CLTB: variants seen among roughly 807,000 people sequenced by gnomAD.
CLTB encodes the protein clathrin, light chain (Lcb).
Under a neutral mutation model 30.5 loss-of-function variants are expected in CLTB, and 10 were observed. The ratio of observed to expected loss-of-function variants is 0.33; its 90% confidence interval spans 0.20 to 0.56. The LOEUF (loss-of-function observed/expected upper bound fraction) is 0.56. Among genes scored for constraint, CLTB ranks in the 20% least tolerant of loss-of-function variants. The pLI, the probability that CLTB is intolerant of heterozygous loss-of-function variation, is 0.91. For synonymous variants in CLTB, 102 were observed against 120.3 expected, an observed-to-expected ratio of 0.85 and a Z score of 1.00; for missense variants, 261 against 308.3, an observed-to-expected ratio of 0.85 and a Z score of 1.15.
chr5:176,397,882 C>T (rs571919857), intron 3 of CLTB, 48 bp downstream of exon 3: 2 of 1,546,230 alleles, frequency 1.3e-6, no homozygotes, highest in Admixed American at 1.7e-5. Context: ...CCACACTCCA[C>T]CCCACACACA....
chr5:176,397,339 C>T (rs1344624488), intron 4 of CLTB, among the ~76,000 whole-genome samples: 4 of 148,792 alleles, frequency 2.7e-5, no homozygotes, highest in Admixed American at 6.7e-5. Context: ...CTCTCATGTC[C>T]CCACAGCCCC....
rs1756309796 is a variant in CLTB, at chr5:176,392,690, G to T, written c.*84C>A. ...GAATAGGCTGTGGGTAGCAGCTGCT[G>T]CGAGTCTCCACCCCGACCAAAGCAG... On this transcript the variant is annotated 3_prime_UTR_variant, in exon 6 of 6. Coordinates refer to ENST00000310418, the MANE Select transcript of CLTB (RefSeq NM_007097.5). This position sits in a 1 kb window ranked among gnomAD's most constrained non-coding sequence, Gnocchi z 5.2. 6.7e-7 allele frequency: 1 copy of T among 1,488,630 alleles called. No homozygotes were observed. The allele number at this position is 1,488,630 out of a possible 1,614,324, so 92.2% of individuals were successfully genotyped here. A position where few individuals can be genotyped will look rare whatever the true frequency, so the allele number is the denominator to read the frequency against.
intron 5 of CLTB, among the ~76,000 whole-genome samples, chr5:176,396,081 G>A (rs1337610724): frequency 6.6e-6 from 1 of 152,138 alleles, no homozygotes; most frequent in African/African-American, 2.4e-5. Context: ...GTCGCAGTGA[G>A]CCGAGATCGC....
intron 5 of CLTB, among the ~76,000 whole-genome samples, chr5:176,394,819 A>G (rs1424141316): frequency 6.6e-6 from 1 of 152,060 alleles, no homozygotes; most frequent in African/African-American, 2.4e-5. Flanking sequence ...CGTCTTAAAA[A>G]AAAAAAAAAG....
intron 4 of CLTB, among the ~76,000 whole-genome samples, chr5:176,397,224 C>T (rs1180139991): frequency 1.3e-5 from 2 of 152,186 alleles, no homozygotes; most frequent in East Asian, 3.9e-4. Flanking sequence ...CAGGCCTTTC[C>T]CTTCCTGGAA....
rs186165607 is a variant in CLTB, at chr5:176,400,123, G to A, written c.235-2076C>T. ...CAAGAATCACTTGAATCCGGGGCGG[G>A]GCAGGGGAGGCTGCAGTGAGCCAAG... On this transcript the variant is annotated intron_variant, in intron 2 of 5. Coordinates refer to ENST00000310418, the MANE Select transcript of CLTB (RefSeq NM_007097.5). 1.9e-3 allele frequency among the ~76,000 whole-genome samples: 283 copies of A among 151,554 alleles called. 1 individual carries two copies. The highest frequency in any genetic ancestry group is 6.7e-3 in the African/African-American group (276 of 41,316).
chr5:176,400,546 G>T (rs1487167114), intron 2 of CLTB, among the ~76,000 whole-genome samples: 1 of 152,152 alleles, frequency 6.6e-6, no homozygotes, highest in Non-Finnish European at 1.5e-5. Flanking sequence ...CAAGGGTGTG[G>T]CACCCTCTGG....
chr5:176,402,398 C>A (rs921504250), intron 2 of CLTB, among the ~76,000 whole-genome samples: 1 of 152,264 alleles, frequency 6.6e-6, no homozygotes, highest in African/African-American at 2.4e-5. Context: ...CCTCTGATTT[C>A]TGTCCTCTAT....
chr5:176,397,687 C>G lies in CLTB; in HGVS notation c.384G>C (p.Trp128Cys). ...DAASKVTEQE[W>C]REKAKKDLEE... ...CCAGGTCCTTCTTGGCCTTCTCCCG[C>G]CATTCCTGTTCCGTGACCTTAGATG... Residue 128 changes from tryptophan (W) to cysteine (C), a missense_variant, in exon 4 of 6, where the codon TGG becomes TGC. Trp to Cys is a radical substitution (Grantham distance 215). This residue lies in a region of CLTB where 123 missense variants were observed against 157.0 expected (regional missense o/e 0.78). Coordinates refer to ENST00000310418, the MANE Select transcript of CLTB (RefSeq NM_007097.5). The G allele has an allele frequency of 6.2e-7, 1 of 1,613,934 alleles. No individual in the cohort carries two copies. The highest frequency in any genetic ancestry group is 8.5e-7 in the Non-Finnish European group (1 of 1,179,978).
chr5:176,405,259 C>T (rs531541904), intron 2 of CLTB, among the ~76,000 whole-genome samples: 1 of 152,164 alleles, frequency 6.6e-6, no homozygotes, highest in East Asian at 1.9e-4. Context: ...GGAGGCTGAG[C>T]AGGAGGACTG....
chr5:176,401,530 C>T (rs555004812), intron 2 of CLTB, among the ~76,000 whole-genome samples: 119 of 152,306 alleles, frequency 7.8e-4, no homozygotes, highest in African/African-American at 2.7e-3. Context: ...AAAGGCACCA[C>T]AGTGCCCTTG....
chr5:176,411,196 GACA>G (rs1561801274), intron 1 of CLTB, among the ~76,000 whole-genome samples: 1 of 152,206 alleles, frequency 6.6e-6, no homozygotes, highest in Non-Finnish European at 1.5e-5. Context: ...ATGAAAGAAA[GACA>G]ACGACTGCAT....
intron 1 of CLTB, among the ~76,000 whole-genome samples, chr5:176,410,781 G>A (rs975382672): frequency 6.6e-5 from 10 of 151,396 alleles, no homozygotes; most frequent in African/African-American, 1.7e-4. Context: ...TCCCTGAGGC[G>A]CCTTGAGCAA....
intron 2 of CLTB, chr5:176,401,778 G>C (rs561180425): frequency 1.2e-4 from 55 of 455,940 alleles, no homozygotes; most frequent in Non-Finnish European, 2.0e-4. Context: ...ACAATTTCCC[G>C]AGGGTGCTGA....
intron 2 of CLTB, among the ~76,000 whole-genome samples, chr5:176,404,603 G>C (rs888843171): frequency 6.6e-6 from 1 of 152,176 alleles, no homozygotes; most frequent in Non-Finnish European, 1.5e-5. Context: ...CAGCCCCCAC[G>C]GTGTCCTGCC....
At chr5:176,413,008 C>A (rs1040327526) in intron 1 of CLTB, among the ~76,000 whole-genome samples, 2 of 152,150 alleles carry the variant, frequency 1.3e-5, no homozygotes, top group African/African-American at 2.4e-5. Flanking sequence ...CACACAGCTG[C>A]CTGGGGTCTA....
chr5:176,409,571 G>A (rs919974421), intron 2 of CLTB, among the ~76,000 whole-genome samples: 4 of 151,904 alleles, frequency 2.6e-5, no homozygotes, highest in Non-Finnish European at 5.9e-5. Flanking sequence ...CTGCCACAAT[G>A]ACTGGCTAAT....
At chr5:176,405,400 G>A (rs2113661756) in intron 2 of CLTB, among the ~76,000 whole-genome samples, 1 of 146,772 alleles carries the variant, frequency 6.8e-6, no homozygotes, top group African/African-American at 2.5e-5. Context: ...GAGGCAGGAG[G>A]ATCACTTAAG....
At chr5:176,404,888 G>A (rs1757029300) in intron 2 of CLTB, among the ~76,000 whole-genome samples, 1 of 152,202 alleles carries the variant, frequency 6.6e-6, no homozygotes, top group Non-Finnish European at 1.5e-5. Flanking sequence ...CCCTGCCAGT[G>A]TCCCCTCACA....
Sources: gnomAD v4.1 joint callset for allele counts (sites outside exome capture counted in the v4.1 genomes callset) on GRCh38, gnomAD v4.1.1 for gene constraint, gnomAD v4.1.1 regional missense constraint, Gnocchi (gnomAD v3.1) non-coding constraint, MANE v1.5 for transcripts, NCBI Gene and HGNC (gene_info 2026-07-23, HGNC 2026-07-21) for gene names.